The following PSD2 variants were observed in gnomAD, a reference collection of about 807,000 sequenced individuals.
PSD2 encodes the protein PH and SEC7 domain-containing protein 2.
In PSD2, 38 loss-of-function variants were observed where a neutral mutation model predicts 69.8. That is an observed-to-expected ratio of 0.54 (90% CI 0.42 to 0.71). The LOEUF (loss-of-function observed/expected upper bound fraction) is 0.71. Ranked by LOEUF, PSD2 falls within the 30% of genes least tolerant of loss-of-function variation. The pLI is 0.00. For missense variants in PSD2, 943 were observed against 1,014.5 expected, an observed-to-expected ratio of 0.93 and a Z score of 0.96; for synonymous variants, 412 against 423.0, an observed-to-expected ratio of 0.97 and a Z score of 0.32.
intron 7 of PSD2, among the ~76,000 whole-genome samples, chr5:139,829,852 G>A (rs1348429012): frequency 1.3e-5 from 2 of 152,118 alleles, no homozygotes; most frequent in Non-Finnish European, 2.9e-5. Flanking sequence ...TATATACCTA[G>A]GATTGACTTG....
chr5:139,796,692 C>T (rs1292040550), intron 1 of PSD2, among the ~76,000 whole-genome samples: 2 of 152,214 alleles, frequency 1.3e-5, no homozygotes, highest in Admixed American at 1.3e-4. Context: ...AGGTATTCAG[C>T]TGTTCCTAGA....
intron 1 of PSD2, among the ~76,000 whole-genome samples, chr5:139,799,260 G>A (rs112696541): frequency 2.8e-3 from 428 of 152,222 alleles, no homozygotes; most frequent in African/African-American, 9.9e-3. Context: ...GGTAATCTGC[G>A]CACCAGGTCA....
chr5:139,742,605 A>G, the PSD2 span: 1 of 152,834 alleles, frequency 6.5e-6, no homozygotes. Flanking sequence ...GCGAGGTGTG[A>G]CTGAGCATGA....
Position 139,822,706 on chromosome 5 carries a change from T to C in PSD2, c.1211-20T>C. On this transcript the variant is annotated intron_variant, in intron 6 of 14. Transcript: ENST00000274710. The stretch of plus-strand genomic sequence containing the variant: ...AGAGGTTGGATCCTCGCACTGAGAG[T>C]GCCACCATCTCTGACTCAGATGGGA... 1 of 1,604,950 alleles carries C rather than the reference T, an allele frequency of 6.2e-7. No individual in the cohort carries two copies. Among genetic ancestry groups the C allele is most frequent in the South Asian group, 1.1e-5 (1 of 89,800 alleles).
the PSD2 span, among the ~76,000 whole-genome samples, chr5:139,766,501 A>C: frequency 6.6e-6 from 1 of 152,124 alleles, no homozygotes; most frequent in Non-Finnish European, 1.5e-5. Context: ...GTATGGGGGA[A>C]ATGGATGGAG....
In PSD2 at chr5:139,809,662, C is replaced by A; in HGVS notation, c.222C>A (p.Gly74=). The change falls in exon 2 of 15, where the codon GGC becomes GGA. Residue 74 remains glycine, a synonymous_variant. Transcript: ENST00000274710. ...TGGCCTTCCATGGCCTCAGCCTTGG[C>A]CTCTCTCTCACCAATGGCCTAGCCC... ...PDVAFHGLSL[G]LSLTNGLALG... 1 of 1,614,260 alleles carries A rather than the reference C, an allele frequency of 6.2e-7. No individual in the cohort carries two copies. The highest frequency in any genetic ancestry group is 8.5e-7 in the Non-Finnish European group (1 of 1,180,048).
chr5:139,756,109 A>C, the PSD2 span, among the ~76,000 whole-genome samples: 40 of 152,058 alleles, frequency 2.6e-4, no homozygotes, highest in African/African-American at 9.4e-4. Context: ...GTAATTTCCG[A>C]GTCGGCGGCG....
At chr5:139,805,597 C>G (rs1021169305) in intron 1 of PSD2, among the ~76,000 whole-genome samples, 5 of 152,208 alleles carry the variant, frequency 3.3e-5, no homozygotes, top group Admixed American at 6.5e-5. Flanking sequence ...TGCTCCATCA[C>G]TCCATGATGC....
At chr5:139,780,927 C>T in the PSD2 span, among the ~76,000 whole-genome samples, 1 of 152,144 alleles carries the variant, frequency 6.6e-6, no homozygotes, top group Non-Finnish European at 1.5e-5. Context: ...AATTGAGGCA[C>T]AAAGAAGAGG....
the PSD2 span, among the ~76,000 whole-genome samples, chr5:139,769,776 G>C: frequency 6.6e-6 from 1 of 152,252 alleles, no homozygotes; most frequent in Non-Finnish European, 1.5e-5. Context: ...GTGGCAGTGG[G>C]GGGCAGTGCC....
At chr5:139,817,592 A>G in intron 5 of PSD2, 31 bp downstream of exon 5, 1 of 1,540,948 alleles carries the variant, frequency 6.5e-7, no homozygotes. Flanking sequence ...CAGTGCCCAC[A>G]AGTGGTACAG....
the PSD2 span, among the ~76,000 whole-genome samples, chr5:139,771,419 C>T: frequency 2.0e-5 from 3 of 152,024 alleles, no homozygotes; most frequent in African/African-American, 7.2e-5. Context: ...CACTCTGTCG[C>T]CCAGGCTGGA....
rs1385086640 is a variant in PSD2 at position 139,814,599 on chromosome 5, GCCCCT to G, written c.1016+237_1016+241del. Among the ~76,000 whole-genome samples the G allele has an allele frequency of 1.3e-5, 2 of 152,070 alleles. No homozygotes were observed. The highest frequency in any genetic ancestry group is 2.9e-5 in the Non-Finnish European group (2 of 67,990). ...TCTCGGGGAGGGGTGGTGGCGGGCA[GCCCCT>G]CAGGGCTGGGGGTGCGGGATGTGGG... On this transcript the variant is annotated intron_variant, in intron 4 of 14. Transcript: ENST00000274710. This position sits in a 1 kb window ranked among gnomAD's most constrained non-coding sequence, Gnocchi z 4.4.
At chr5:139,811,875 G>C (rs2126937195) in intron 2 of PSD2, among the ~76,000 whole-genome samples, 1 of 152,144 alleles carries the variant, frequency 6.6e-6, no homozygotes, top group South Asian at 2.1e-4. Context: ...TTACAGCCGT[G>C]AGCCACCGCG....
intron 8 of PSD2, 103 bp downstream of exon 8, chr5:139,833,894 A>G: frequency 1.1e-6 from 1 of 885,536 alleles, no homozygotes; most frequent in Non-Finnish European, 1.9e-6. Context: ...GGCCGTTAAC[A>G]CAGGGTGCAG....
At chr5:139,758,928 G>C in the PSD2 span, among the ~76,000 whole-genome samples, 1 of 152,148 alleles carries the variant, frequency 6.6e-6, no homozygotes, top group Non-Finnish European at 1.5e-5. Flanking sequence ...TCCCCTTCTT[G>C]CCGCTGGGAG....
Position 139,823,406 on chromosome 5 carries a change from C to T in PSD2, c.1269+622C>T, listed in dbSNP as rs530190157. ...TGTCCCCCATCACCATCTGGCTCCACCCCATCTCTGCCCCATCATTGCTCA... is the reference window on the plus strand; with the variant it reads ...TGTCCCCCATCACCATCTGGCTCCATCCCATCTCTGCCCCATCATTGCTCA... On this transcript the variant is annotated intron_variant, in intron 7 of 14. Transcript: ENST00000274710. Among the ~76,000 whole-genome samples, 28 of 152,322 alleles carry T rather than the reference C, an allele frequency of 1.8e-4. No homozygotes were observed. The East Asian group carries it at 5.2e-3, about 28-fold the overall frequency.
the PSD2 span, among the ~76,000 whole-genome samples, chr5:139,754,784 G>C: frequency 6.6e-6 from 1 of 152,160 alleles, no homozygotes; most frequent in Non-Finnish European, 1.5e-5. Flanking sequence ...GGCTGAGGTG[G>C]GAGGATCACT....
chr5:139,833,686 C>T lies in PSD2; in HGVS notation c.1270-16C>T, dbSNP rs1234516115. 3.1e-6 allele frequency: 5 copies of T among 1,600,288 alleles called. No homozygotes were observed. The highest frequency in any genetic ancestry group is 4.3e-6 in the Non-Finnish European group (5 of 1,167,494). On this transcript the variant is annotated splice_polypyrimidine_tract_variant and intron_variant, in intron 7 of 14. Transcript: ENST00000274710. ...CTCCTTCCCTACTCTTAGGCAGAAC[C>T]ATTTCTCCATTACAGAACATTGGCA...
Sources: gnomAD v4.1 joint callset for allele counts (sites outside exome capture counted in the v4.1 genomes callset) on GRCh38, gnomAD v4.1.1 for gene constraint, Gnocchi (gnomAD v3.1) non-coding constraint, MANE v1.5 for transcripts, NCBI Gene and HGNC (gene_info 2026-07-23, HGNC 2026-07-21) for gene names.